Variants in DYNC2H1 observed in about 807,000 individuals in gnomAD.
The protein encoded by DYNC2H1 is dynein cytoplasmic 2 heavy chain 1.
DYNC2H1 carries 410 observed loss-of-function variants against 570.0 expected under a neutral mutation model. That is an observed-to-expected ratio of 0.72 (90% CI 0.66 to 0.78). The LOEUF (loss-of-function observed/expected upper bound fraction) is 0.78, where lower values mean the gene tolerates loss of function less well. Ranked by LOEUF, DYNC2H1 falls within the 30% of genes least tolerant of loss-of-function variation. The pLI, the probability that DYNC2H1 is intolerant of heterozygous loss-of-function variation, is 0.00. For synonymous variants in DYNC2H1, 1,688 were observed against 1,677.6 expected (o/e 1.01, Z -0.15); for missense variants, 4,865 against 5,046.4 (o/e 0.96, Z 1.09).
rs1001282895 is a variant in DYNC2H1 at position 103,239,959 on chromosome 11, C to T, written c.9819+3420C>T. Among the ~76,000 whole-genome samples, 1 of 151,948 alleles carries T rather than the reference C, an allele frequency of 6.6e-6. No homozygotes were observed. On this transcript the variant is annotated intron_variant, in intron 63 of 88. Coordinates refer to ENST00000375735, the MANE Select transcript of DYNC2H1 (RefSeq NM_001377.3). The surrounding 1 kb of genome is among the most constrained non-coding windows in gnomAD (Gnocchi z 4.3). ...AACTCTTGACCTACAGTTCTAACTACCTGTTAGATATTTTTACCCATTCTT... is the reference window on the plus strand; with the variant it reads ...AACTCTTGACCTACAGTTCTAACTATCTGTTAGATATTTTTACCCATTCTT...
intron 87 of DYNC2H1, among the ~76,000 whole-genome samples, chr11:103,460,683 TAATG>T (rs1171918626): frequency 7.3e-5 from 11 of 151,226 alleles, no homozygotes; most frequent in East Asian, 1.9e-4. Context: ...TGTATATATA[TAATG>T]AATGTATATT....
At position 103,197,966 on chromosome 11, in the gene DYNC2H1, A is replaced by G; in HGVS notation, c.7742A>G (p.Asn2581Ser). ...SFYVTWGARH[N>S]SGARAAPGQP... Reference sequence around the variant, plus strand: ...TACGTTACATGGGGAGCTCGGCATAATTCAGGAGCAAGGGCAGCCCCAGGA... The same window carrying G: ...TACGTTACATGGGGAGCTCGGCATAGTTCAGGAGCAAGGGCAGCCCCAGGA... Residue 2581 changes from asparagine to serine, a missense_variant, in exon 48 of 89, where the codon AAT becomes AGT. Asn to Ser is a conservative substitution (Grantham distance 46). Around this residue, in one of 5 missense-constraint regions of DYNC2H1, gnomAD observed 2,401 missense variants for 2,454.6 expected, o/e 0.98. Transcript: ENST00000375735. 1 of 1,569,492 alleles carries G rather than the reference A, an allele frequency of 6.4e-7. No individual in the cohort carries two copies.
At chr11:103,436,132 T>G (rs1591754560) in intron 85 of DYNC2H1, 100 bp downstream of exon 85, 1 of 948,280 alleles carries the variant, frequency 1.1e-6, no homozygotes, top group Admixed American at 2.7e-5. Context: ...TACACTATGA[T>G]TTTGCACATA....
Position 103,324,388 on chromosome 11 carries a change from G to T in DYNC2H1, c.12039+398G>T, listed in dbSNP as rs116789842. On this transcript the variant is annotated intron_variant, in intron 82 of 88. Coordinates refer to ENST00000375735, the MANE Select transcript of DYNC2H1 (RefSeq NM_001377.3). The surrounding 1 kb of genome is among the most constrained non-coding windows in gnomAD (Gnocchi z 5.2). Reference sequence around the variant, plus strand: ...CCTTCTTTGTATCCATGTATACTCAGTGTTTAGATCTCACCTATAAGTGAG... The same window carrying T: ...CCTTCTTTGTATCCATGTATACTCATTGTTTAGATCTCACCTATAAGTGAG... Among the ~76,000 whole-genome samples, 821 of 152,142 alleles carry T rather than the reference G, an allele frequency of 5.4e-3. 5 individuals carry two copies. The highest frequency in any genetic ancestry group is 0.019 in the African/African-American group (783 of 41,504).
At chr11:103,426,358 C>T (rs951717399) in intron 84 of DYNC2H1, among the ~76,000 whole-genome samples, 1 of 152,132 alleles carries the variant, frequency 6.6e-6, no homozygotes, top group Non-Finnish European at 1.5e-5. Flanking sequence ...TCTTTAATTC[C>T]TCTAGCCTTG....
chr11:103,223,834 G>A (rs1291324432), intron 59 of DYNC2H1, among the ~76,000 whole-genome samples: 2 of 147,958 alleles, frequency 1.4e-5, no homozygotes, highest in South Asian at 2.2e-4. Flanking sequence ...TTCAACCTCC[G>A]CCTCCCGGGT....
intron 88 of DYNC2H1, among the ~76,000 whole-genome samples, chr11:103,477,902 C>G (rs1247127217): frequency 6.9e-6 from 1 of 144,714 alleles, no homozygotes. Context: ...AATACCATTT[C>G]TCTTGAAAGA....
At chr11:103,263,278 G>A (rs181690347) in intron 70 of DYNC2H1, among the ~76,000 whole-genome samples, 1 of 152,166 alleles carries the variant, frequency 6.6e-6, no homozygotes, top group African/African-American at 2.4e-5. Flanking sequence ...ACACCCCACT[G>A]TCAATATTAG....
Position 103,209,859 on chromosome 11 carries a change from T to C in DYNC2H1, c.8455-17T>C. 2 of 1,459,072 alleles carry C rather than the reference T, an allele frequency of 1.4e-6. No homozygotes were observed. The highest frequency in any genetic ancestry group is 1.4e-5 in the South Asian group (1 of 70,748). 90.4% of individuals were successfully genotyped at this position (1,459,072 alleles called of 1,614,324 possible). A position where few individuals can be genotyped will look rare whatever the true frequency, so the allele number is the denominator to read the frequency against. On this transcript the variant is annotated splice_polypyrimidine_tract_variant and intron_variant, in intron 52 of 88. Transcript: ENST00000375735. The surrounding 1 kb of genome is among the most constrained non-coding windows in gnomAD (Gnocchi z 4.2). ...GGACTTATACTCTTTCATAGTGATA[T>C]TCTTTTTATGTTTTAGATACCTGAA...
At chr11:103,206,226 A>G (rs1450211677) in intron 52 of DYNC2H1, among the ~76,000 whole-genome samples, 1 of 152,176 alleles carries the variant, frequency 6.6e-6, no homozygotes, top group Non-Finnish European at 1.5e-5. Flanking sequence ...GATCCTTCTG[A>G]ATATTTGGCT....
In DYNC2H1 at chr11:103,320,609, G is replaced by A. The variant is rs554148160; in HGVS notation, c.11726-420G>A. ...CATCAAATGTGTAAAATTATGTTTTGGATAGGTTCTCTTAAGGAATTTCCA... is the reference window on the plus strand; with the variant it reads ...CATCAAATGTGTAAAATTATGTTTTAGATAGGTTCTCTTAAGGAATTTCCA... On this transcript the variant is annotated intron_variant, in intron 80 of 88. Coordinates refer to ENST00000375735, the MANE Select transcript of DYNC2H1 (RefSeq NM_001377.3). Among the ~76,000 whole-genome samples, 6 of 152,154 alleles carry A rather than the reference G, an allele frequency of 3.9e-5. No homozygotes were observed. The South Asian group carries it at 1.2e-3, about 32-fold the overall frequency.
intron 84 of DYNC2H1, among the ~76,000 whole-genome samples, chr11:103,409,838 C>G (rs1167970303): frequency 1.3e-5 from 2 of 150,304 alleles, no homozygotes; most frequent in Non-Finnish European, 2.9e-5. Context: ...TTAGTTATTT[C>G]TAGTTAATAC....
chr11:103,286,873 A>C (rs898763037), intron 74 of DYNC2H1, among the ~76,000 whole-genome samples: 4 of 152,200 alleles, frequency 2.6e-5, no homozygotes, highest in Non-Finnish European at 5.9e-5. Context: ...CTTTCCATTT[A>C]TCTCTTCTCT....
rs1282718724 is a variant in DYNC2H1, at chr11:103,163,493, T to C, written c.4611+346T>C. 4.6e-5 allele frequency among the ~76,000 whole-genome samples: 7 copies of C among 152,168 alleles called. No homozygotes were observed. Among genetic ancestry groups the C allele is most frequent in the Admixed American group, 4.6e-4 (7 of 15,262 alleles). On this transcript the variant is annotated intron_variant, in intron 30 of 88. Coordinates refer to ENST00000375735, the MANE Select transcript of DYNC2H1 (RefSeq NM_001377.3). This position sits in a 1 kb window ranked among gnomAD's most constrained non-coding sequence, Gnocchi z 4.6. ...TCCCTCCCATGGGATCATCTAAGCA[T>C]TGGAGCTGGCAGGAACTTAGCAGGT...
At chr11:103,233,852 G>A (rs977575859) in intron 60 of DYNC2H1, among the ~76,000 whole-genome samples, 182 bp from the exon 61 acceptor site, 2 of 103,880 alleles carry the variant, frequency 1.9e-5, no homozygotes, top group Non-Finnish European at 2.2e-5. Flanking sequence ...GTGTGTGTGT[G>A]TGTGTGTGTG....
At chr11:103,421,358 A>G (rs1392463180) in intron 84 of DYNC2H1, among the ~76,000 whole-genome samples, 3 of 152,156 alleles carry the variant, frequency 2.0e-5, no homozygotes, top group East Asian at 1.9e-4. Flanking sequence ...TGGATGTGAT[A>G]GATATCTATA....
chr11:103,315,877 TGA>T (rs1937799640), intron 79 of DYNC2H1, among the ~76,000 whole-genome samples: 1 of 151,750 alleles, frequency 6.6e-6, no homozygotes, highest in African/African-American at 2.4e-5. Context: ...AAATATTTTT[TGA>T]GTGTTGAATG....
chr11:103,126,929 C>T (rs1859033930), intron 12 of DYNC2H1, among the ~76,000 whole-genome samples: 1 of 152,210 alleles, frequency 6.6e-6, no homozygotes, highest in Admixed American at 6.5e-5. Flanking sequence ...TGAGCCACCG[C>T]AGCCGGCCTA....
At chr11:103,392,088 G>C (rs1942179016) in intron 83 of DYNC2H1, among the ~76,000 whole-genome samples, 1 of 152,222 alleles carries the variant, frequency 6.6e-6, no homozygotes, top group African/African-American at 2.4e-5. Flanking sequence ...GCTATGCCCT[G>C]CCCGCAGAGG....
Sources: gnomAD v4.1 joint callset for allele counts (sites outside exome capture counted in the v4.1 genomes callset) on GRCh38, gnomAD v4.1.1 for gene constraint, gnomAD v4.1.1 regional missense constraint, Gnocchi (gnomAD v3.1) non-coding constraint, MANE v1.5 for transcripts, NCBI Gene and HGNC (gene_info 2026-07-23, HGNC 2026-07-21) for gene names.